Variants in ROBO2 observed in about 807,000 individuals in gnomAD.
ROBO2 encodes roundabout guidance receptor 2.
A neutral mutation model predicts 160.8 loss-of-function variants in ROBO2; 53 were observed. That is an observed-to-expected ratio of 0.33 (90% CI 0.26 to 0.41). The LOEUF is 0.41. Among genes scored for constraint, ROBO2 ranks in the 10% least tolerant of loss-of-function variants. The pLI, the probability that ROBO2 is intolerant of heterozygous loss-of-function variation, is 1.00. For missense variants in ROBO2, 1,577 were observed against 1,722.4 expected (o/e 0.92, Z 1.49); for synonymous variants, 664 against 611.7 (o/e 1.09, Z -1.26).
intron 2 of ROBO2, among the ~76,000 whole-genome samples, chr3:76,772,180 A>G (rs934037716): frequency 1.3e-5 from 2 of 151,234 alleles, no homozygotes; most frequent in African/African-American, 4.8e-5. Flanking sequence ...GTTTTAGATT[A>G]TATTTTTAGT....
intron 2 of ROBO2, among the ~76,000 whole-genome samples, chr3:76,726,341 A>G (rs1319358703): frequency 6.7e-6 from 1 of 150,264 alleles, no homozygotes; most frequent in African/African-American, 2.5e-5. Flanking sequence ...TAGTAGTTCT[A>G]AAAAAAATTA....
chr3:75,967,798 C>T (rs1483566675), intron 2 of ROBO2, among the ~76,000 whole-genome samples: 1 of 151,388 alleles, frequency 6.6e-6, no homozygotes, highest in East Asian at 2.0e-4. Context: ...TTTCAGGAAT[C>T]ACCTTATCAA....
intron 2 of ROBO2, among the ~76,000 whole-genome samples, chr3:76,052,305 C>T (rs1241744631): frequency 6.6e-6 from 1 of 152,028 alleles, no homozygotes; most frequent in African/African-American, 2.4e-5. Flanking sequence ...TATCATCTAG[C>T]ATCAAATATG....
rs1707565007 is a variant in ROBO2, at chr3:76,272,814, ATGTATTTATATATAAAAT to A, written c.109+335213_109+335230del. Among the ~76,000 whole-genome samples the A allele has an allele frequency of 5.0e-4, 4 of 7,962 alleles. No individual in the cohort carries two copies. The South Asian group carries it at 0.017, about 34-fold the overall frequency. The allele number at this position is 7,962 out of a possible 152,430, so 5.2% of individuals were successfully genotyped here. On this transcript the variant is annotated intron_variant, in intron 2 of 26. Coordinates refer to the ROBO2 transcript ENST00000487694. ...AATATATATATATAAAATATATAAT[ATGTATTTATATATAAAAT>A]ATATATATTATATATTATATATAAA...
At chr3:77,110,022 G>T (rs1282001988) in intron 2 of ROBO2, among the ~76,000 whole-genome samples, 1 of 152,162 alleles carries the variant, frequency 6.6e-6, no homozygotes, top group Admixed American at 6.5e-5. Context: ...AACAGAAAGA[G>T]TAATCTTTTC....
intron 2 of ROBO2, among the ~76,000 whole-genome samples, chr3:76,485,015 A>G (rs901699961): frequency 3.9e-5 from 6 of 152,050 alleles, no homozygotes; most frequent in African/African-American, 1.4e-4. Context: ...ATACTGTACA[A>G]TTGCAGTCCC....
chr3:76,987,270 A>T (rs963259036), intron 2 of ROBO2, among the ~76,000 whole-genome samples: 3 of 152,158 alleles, frequency 2.0e-5, no homozygotes, highest in Non-Finnish European at 2.9e-5. Flanking sequence ...CCCTCTAGAG[A>T]TCTCGGCCTT....
intron 2 of ROBO2, among the ~76,000 whole-genome samples, chr3:76,199,504 C>G (rs1702419188): frequency 6.6e-6 from 1 of 152,138 alleles, no homozygotes. Context: ...ACCTACAGAG[C>G]TGCCACAAAA....
At chr3:76,229,679 A>G (rs571507501) in intron 2 of ROBO2, among the ~76,000 whole-genome samples, 10 of 152,106 alleles carry the variant, frequency 6.6e-5, no homozygotes, top group South Asian at 2.1e-4. Context: ...GTTTTGTCCT[A>G]TTTATCCTAG....
intron 2 of ROBO2, among the ~76,000 whole-genome samples, chr3:77,359,497 G>C (rs1303297422): frequency 6.6e-6 from 1 of 152,170 alleles, no homozygotes; most frequent in Non-Finnish European, 1.5e-5. Flanking sequence ...CCTTTCCAGA[G>C]TACTTGCAAT....
chr3:77,187,133 A>G (rs755403831), intron 2 of ROBO2, among the ~76,000 whole-genome samples: 1 of 152,050 alleles, frequency 6.6e-6, no homozygotes, highest in Admixed American at 6.6e-5. Flanking sequence ...ACAGGAAAGC[A>G]GTATCAGGAT....
intron 2 of ROBO2, among the ~76,000 whole-genome samples, chr3:77,229,481 T>C (rs1287745658): frequency 6.6e-6 from 1 of 151,472 alleles, no homozygotes; most frequent in African/African-American, 2.4e-5. Flanking sequence ...ATAAAATTAT[T>C]CTTTTATTCT....
chr3:77,064,102 T>C (rs1559932727), intron 1 of ROBO2, among the ~76,000 whole-genome samples: 1 of 152,170 alleles, frequency 6.6e-6, no homozygotes, highest in African/African-American at 2.4e-5. Flanking sequence ...TCATAAAAGG[T>C]AAATGCTTGT....
chr3:76,522,190 C>T (rs1437397948), intron 2 of ROBO2, among the ~76,000 whole-genome samples: 1 of 152,068 alleles, frequency 6.6e-6, no homozygotes, highest in Non-Finnish European at 1.5e-5. Flanking sequence ...TTGGTATATG[C>T]CCAGGGAATG....
rs752895253 is a variant in ROBO2, at chr3:77,617,493, T to G, written c.3294-20T>G. 1.2e-6 allele frequency: 2 copies of G among 1,613,980 alleles called. No individual in the cohort carries two copies. Among genetic ancestry groups the G allele is most frequent in the South Asian group, 2.2e-5 (2 of 91,068 alleles). On this transcript the variant is annotated intron_variant, in intron 21 of 25. Coordinates refer to ENST00000461745, the Ensembl canonical transcript of ROBO2. The stretch of plus-strand genomic sequence containing the variant: ...ATATGTATTTGTGTCAATGTGCATA[T>G]TTTTCTCATTTAATTTCAGCTATGA...
At chr3:75,949,053 T>C (rs1368382066) in intron 2 of ROBO2, among the ~76,000 whole-genome samples, 2 of 152,146 alleles carry the variant, frequency 1.3e-5, no homozygotes, top group Non-Finnish European at 2.9e-5. Flanking sequence ...TTTAGATTTT[T>C]GTATTTAAAA....
chr3:77,296,392 A>T (rs1002907303), intron 2 of ROBO2, among the ~76,000 whole-genome samples: 2 of 152,166 alleles, frequency 1.3e-5, no homozygotes, highest in Admixed American at 6.6e-5. Flanking sequence ...AGGCTAGATC[A>T]CCAAAGACAT....
intron 2 of ROBO2, among the ~76,000 whole-genome samples, chr3:76,009,709 TTAATG>T (rs2066139372): frequency 6.6e-6 from 1 of 152,232 alleles, no homozygotes; most frequent in Admixed American, 6.5e-5. Context: ...TAGTTTTAGT[TTAATG>T]TAAGTGAATA....
chr3:77,037,053 A>T (rs980391616), upstream of ROBO2, among the ~76,000 whole-genome samples: 1 of 152,022 alleles, frequency 6.6e-6, no homozygotes, highest in Non-Finnish European at 1.5e-5. Flanking sequence ...AGATCTTATC[A>T]TATATCTCAG....
Sources: allele counts gnomAD v4.1 joint callset (sites outside exome capture counted in the v4.1 genomes callset), GRCh38; gene constraint gnomAD v4.1.1; transcripts MANE v1.5; gene names NCBI Gene and HGNC (gene_info 2026-07-23, HGNC 2026-07-21).